Variants in AGPS observed in about 807,000 individuals in gnomAD.
The protein encoded by AGPS is alkyldihydroxyacetonephosphate synthase, peroxisomal.
AGPS carries 26 observed loss-of-function variants against 90.7 expected under a neutral mutation model. The observed-to-expected ratio is 0.29, with a 90% confidence interval of 0.21 to 0.40. AGPS has a LOEUF of 0.40. AGPS is among the 10% of genes least tolerant of loss of function. The pLI is 1.00. For synonymous variants in AGPS, 294 were observed against 285.3 expected, an observed-to-expected ratio of 1.03 and a Z score of -0.31; for missense variants, 540 against 816.1, an observed-to-expected ratio of 0.66 and a Z score of 4.12.
intron 17 of AGPS, among the ~76,000 whole-genome samples, chr2:177,518,724 C>T (rs1232702113): frequency 7.3e-6 from 1 of 136,892 alleles, no homozygotes; most frequent in African/African-American, 2.7e-5. Context: ...TCAGTAGGGA[C>T]TCATAGACAT....
intron 11 of AGPS, 82 bp from the exon 12 acceptor site, chr2:177,493,066 A>G: frequency 7.9e-7 from 1 of 1,272,716 alleles, no homozygotes; most frequent in South Asian, 1.2e-5. Context: ...TCTTAAATAT[A>G]GAAAGATAAT....
intron 1 of AGPS, among the ~76,000 whole-genome samples, chr2:177,411,070 C>T (rs114578648): frequency 0.035 from 5,327 of 152,246 alleles, 204 homozygotes; most frequent in African/African-American, 0.097. Flanking sequence ...ATGACTAAAG[C>T]GGTGACCTTT....
rs191436076 is a variant in AGPS at position 177,458,268 on chromosome 2, G to T, written c.871-3625G>T. Among the ~76,000 whole-genome samples, 22 of 152,296 alleles carry T rather than the reference G, an allele frequency of 1.4e-4. No homozygotes were observed. In the East Asian group the frequency reaches 4.2e-3, roughly 29 times the overall value. On this transcript the variant is annotated intron_variant, in intron 8 of 19. Coordinates refer to ENST00000264167, the MANE Select transcript of AGPS (RefSeq NM_003659.4). ...GGCAAAAGCTGGAAGCATTCTCTTT[G>T]AAAACTGGCACAAGACAAGGATCTC...
At chr2:177,521,165 TA>T in intron 17 of AGPS, 103 bp from the exon 18 acceptor site, 1 of 992,490 alleles carries the variant, frequency 1.0e-6, no homozygotes, top group South Asian at 1.3e-5. Context: ...ACTGAGATTA[TA>T]TCTTAAACTA....
intron 10 of AGPS, among the ~76,000 whole-genome samples, chr2:177,478,819 G>A (rs1290751650): frequency 6.6e-6 from 1 of 150,964 alleles, no homozygotes; most frequent in Non-Finnish European, 1.5e-5. Flanking sequence ...GGATTTTTAG[G>A]GGGAGCGCAA....
intron 19 of AGPS, among the ~76,000 whole-genome samples, chr2:177,528,791 C>T (rs2079111534): frequency 6.7e-6 from 1 of 150,356 alleles, no homozygotes; most frequent in South Asian, 2.1e-4. Flanking sequence ...AATAAATGCT[C>T]ACAGAATTTG....
At chr2:177,501,269 TC>T (rs1458291506) in intron 14 of AGPS, among the ~76,000 whole-genome samples, 5 of 152,054 alleles carry the variant, frequency 3.3e-5, no homozygotes, top group Non-Finnish European at 7.4e-5. Flanking sequence ...CACCTCCACA[TC>T]TGTACACACA....
intron 17 of AGPS, among the ~76,000 whole-genome samples, chr2:177,516,628 T>C (rs1689029116): frequency 6.6e-6 from 1 of 152,188 alleles, no homozygotes; most frequent in Non-Finnish European, 1.5e-5. Context: ...TTGTTATGAC[T>C]TCAGTAATCT....
intron 11 of AGPS, among the ~76,000 whole-genome samples, chr2:177,492,759 G>T (rs1417462441): frequency 6.6e-6 from 1 of 152,094 alleles, no homozygotes; most frequent in African/African-American, 2.4e-5. Flanking sequence ...TTCATAAAAT[G>T]GCATAATACT....
chr2:177,464,847 C>A (rs1423713421), intron 9 of AGPS, among the ~76,000 whole-genome samples: 1 of 152,172 alleles, frequency 6.6e-6, no homozygotes, highest in Admixed American at 6.5e-5. Flanking sequence ...GTGACAAAAC[C>A]AAACTAAAAA....
intron 8 of AGPS, among the ~76,000 whole-genome samples, chr2:177,455,264 G>A (rs1199483662): frequency 1.3e-5 from 2 of 152,042 alleles, no homozygotes; most frequent in East Asian, 1.9e-4. Flanking sequence ...TTTTTCCTGT[G>A]AACTCTAAAT....
chr2:177,518,781 C>A (rs1689097046), intron 17 of AGPS, among the ~76,000 whole-genome samples: 1 of 150,394 alleles, frequency 6.6e-6, no homozygotes. Flanking sequence ...CACTTTGTTG[C>A]TCAGATTTTC....
intron 8 of AGPS, among the ~76,000 whole-genome samples, chr2:177,457,725 C>G (rs1039565371): frequency 1.3e-5 from 2 of 152,076 alleles, no homozygotes; most frequent in Admixed American, 6.5e-5. Flanking sequence ...CAGGACTAGA[C>G]GGATTCACAG....
At chr2:177,510,103 C>G (rs1688828107) in intron 16 of AGPS, among the ~76,000 whole-genome samples, 1 of 152,148 alleles carries the variant, frequency 6.6e-6, no homozygotes, top group African/African-American at 2.4e-5. Context: ...CCAGTTTGGC[C>G]TGCTATACAG....
At chr2:177,501,593 C>T (rs1160133013) in intron 14 of AGPS, among the ~76,000 whole-genome samples, 1 of 152,168 alleles carries the variant, frequency 6.6e-6, no homozygotes, top group Non-Finnish European at 1.5e-5. Flanking sequence ...TACTGTGCCA[C>T]CTGTAAAACA....
At chr2:177,434,995 A>AT (rs1686355824) in intron 3 of AGPS, among the ~76,000 whole-genome samples, 3 of 40,178 alleles carry the variant, frequency 7.5e-5, no homozygotes, top group Non-Finnish European at 1.1e-4. Context: ...TTTAAACTGT[A>AT]GGTATATATA....
At chr2:177,415,296 T>A (rs1685755177) in intron 1 of AGPS, among the ~76,000 whole-genome samples, 1 of 152,210 alleles carries the variant, frequency 6.6e-6, no homozygotes, top group African/African-American at 2.4e-5. Flanking sequence ...GAATTTCCTA[T>A]GCAATATATA....
chr2:177,452,707 T>C (rs1356045919), intron 8 of AGPS, among the ~76,000 whole-genome samples: 1 of 152,154 alleles, frequency 6.6e-6, no homozygotes, highest in East Asian at 1.9e-4. Context: ...ATCTGTCATC[T>C]TGCTATTCAT....
chr2:177,438,983 T>TACACAC (rs1252168755), intron 5 of AGPS, among the ~76,000 whole-genome samples: 7,243 of 150,070 alleles, frequency 0.048, 339 homozygotes, highest in African/African-American at 0.12. Flanking sequence ...ATTCTTGCAA[T>TACACAC]ACACACACAC....
Sources: gnomAD v4.1 joint callset for allele counts (sites outside exome capture counted in the v4.1 genomes callset) on GRCh38, gnomAD v4.1.1 for gene constraint, MANE v1.5 for transcripts, NCBI Gene and HGNC (gene_info 2026-07-23, HGNC 2026-07-21) for gene names.